Variants in STOM observed in about 807,000 individuals in gnomAD.
STOM encodes erythrocyte band 7 integral membrane protein.
STOM carries 25 observed loss-of-function variants against 30.6 expected under a neutral mutation model. That is an observed-to-expected ratio of 0.82 (90% CI 0.60 to 1.14). The LOEUF (loss-of-function observed/expected upper bound fraction) is 1.14, where lower values mean the gene tolerates loss of function less well. Among genes scored for constraint, STOM ranks in the 50% most tolerant of loss-of-function variants. The probability of loss-of-function intolerance (pLI) is 0.00; values close to 1 mark genes in which losing one functional copy is unlikely to be tolerated. For synonymous variants in STOM, 118 were observed against 130.8 expected (o/e 0.90, Z 0.67); for missense variants, 292 against 365.2 (o/e 0.80, Z 1.63).
chr9:121,346,610 G>A (rs187025697), intron 6 of STOM, among the ~76,000 whole-genome samples: 2 of 152,232 alleles, frequency 1.3e-5, no homozygotes, highest in Admixed American at 6.5e-5. Context: ...TCAAAATAAG[G>A]AGATGATAGG....
At chr9:121,354,019 C>T (rs767328621) in intron 3 of STOM, among the ~76,000 whole-genome samples, 2 of 152,168 alleles carry the variant, frequency 1.3e-5, no homozygotes, top group Non-Finnish European at 2.9e-5. Context: ...CTTGTTGGTT[C>T]CTACCACTAG....
chr9:121,343,472 T>G (rs998121416), intron 6 of STOM, among the ~76,000 whole-genome samples: 1 of 152,148 alleles, frequency 6.6e-6, no homozygotes, highest in South Asian at 2.1e-4. Flanking sequence ...ATCATTTCAT[T>G]CTAGTGTGAT....
chr9:121,356,252 G>A (rs575252879), intron 1 of STOM, 96 bp from the exon 2 acceptor site: 2 of 951,828 alleles, frequency 2.1e-6, no homozygotes, highest in Non-Finnish European at 3.2e-6. Flanking sequence ...TATGTGCTTG[G>A]CACTACACCA....
At position 121,340,108 on chromosome 9, in the gene STOM, A is replaced by G. The variant is rs2064232954; in HGVS notation, c.*1094T>C. 1.0e-6 allele frequency: 1 copy of G among 980,128 alleles called. No individual in the cohort carries two copies. 60.7% of individuals were successfully genotyped at this position (980,128 alleles called of 1,614,324 possible). A position where few individuals can be genotyped will look rare whatever the true frequency, so the allele number is the denominator to read the frequency against. On this transcript the variant is annotated 3_prime_UTR_variant, in exon 7 of 7. Coordinates refer to ENST00000286713, the MANE Select transcript of STOM (RefSeq NM_004099.6). ...GAGAAAATTTTATTAAAAAATTAAA[A>G]CTATTTAAAACCTGATATATGAAAA...
At chr9:121,349,360 G>T (rs184717968) in intron 4 of STOM, 37 bp from the exon 5 acceptor site, 1 of 1,589,568 alleles carries the variant, frequency 6.3e-7, no homozygotes, top group South Asian at 1.1e-5. Context: ...ATCTGTCAAC[G>T]ACTTTTTTTT....
chr9:121,340,846 G>C lies in STOM; in HGVS notation c.*356C>G, dbSNP rs1041279836. 4.5e-6 allele frequency: 5 copies of C among 1,104,908 alleles called. 1 individual carries two copies. Among genetic ancestry groups the C allele is most frequent in the East Asian group, 6.4e-5 (1 of 15,560 alleles). The allele number at this position is 1,104,908 out of a possible 1,614,324, so 68.4% of individuals were successfully genotyped here. On this transcript the variant is annotated 3_prime_UTR_variant, in exon 7 of 7. Coordinates refer to ENST00000286713, the MANE Select transcript of STOM (RefSeq NM_004099.6). The stretch of plus-strand genomic sequence containing the variant: ...GTCATCACTTTCTGCAAAGCATTTA[G>C]CCAGTCAGCGGTGTCAGGTGGCAGT...
At chr9:121,368,633 A>T (rs1265591300) in intron 1 of STOM, among the ~76,000 whole-genome samples, 1 of 152,172 alleles carries the variant, frequency 6.6e-6, no homozygotes, top group Non-Finnish European at 1.5e-5. Context: ...CAATAAAATA[A>T]TATATACATA....
chr9:121,357,424 G>GAGATATATATATAT (rs2064402614), intron 1 of STOM, among the ~76,000 whole-genome samples: 1 of 95,420 alleles, frequency 1.0e-5, no homozygotes. Context: ...ATTTTTAAAT[G>GAGATATATATATAT]ATATATATAT....
intron 2 of STOM, among the ~76,000 whole-genome samples, chr9:121,355,240 AAAAAAAAAAAT>A (rs1467333033): frequency 6.8e-6 from 1 of 147,908 alleles, no homozygotes; most frequent in Non-Finnish European, 1.5e-5. Flanking sequence ...TCAAAAAAAA[AAAAAAAAAAAT>A]AATAATAATA....
intron 1 of STOM, among the ~76,000 whole-genome samples, chr9:121,360,531 A>C (rs1181095664): frequency 1.3e-5 from 2 of 152,246 alleles, no homozygotes; most frequent in Non-Finnish European, 2.9e-5. Flanking sequence ...TGTAGAATAC[A>C]GATAAAATGA....
At position 121,353,314 on chromosome 9, in the gene STOM, A is replaced by T. The variant is rs770676819; in HGVS notation, c.239-12T>A. The T allele has an allele frequency of 1.4e-5, 23 of 1,588,842 alleles. No individual in the cohort carries two copies. Among genetic ancestry groups the T allele is most frequent in the Non-Finnish European group, 2.0e-5 (23 of 1,163,772 alleles). The stretch of plus-strand genomic sequence containing the variant: ...AATAAAAAACAAACCTGCAACAAAG[A>T]TACACACATTATACAGACACCAGCA... On this transcript the variant is annotated splice_polypyrimidine_tract_variant and intron_variant, in intron 3 of 6. Transcript: ENST00000286713.
chr9:121,364,406 A>G lies in STOM; in HGVS notation c.61+5721T>C, dbSNP rs529082084. Among the ~76,000 whole-genome samples the G allele has an allele frequency of 7.0e-4, 106 of 152,302 alleles. 1 individual carries two copies. Among genetic ancestry groups the G allele is most frequent in the Admixed American group, 2.5e-3 (39 of 15,302 alleles). On this transcript the variant is annotated intron_variant, in intron 1 of 6. Transcript: ENST00000286713. ...TGGGGCTAGAGTAGCTACAGGCCAG[A>G]TGGTATCAAGTTAAAAACCATGAGT...
At chr9:121,351,521 C>G (rs557289136) in intron 4 of STOM, among the ~76,000 whole-genome samples, 1 of 152,280 alleles carries the variant, frequency 6.6e-6, no homozygotes, top group South Asian at 2.1e-4. Flanking sequence ...GAAACACTGA[C>G]AGCATTCTTC....
chr9:121,362,809 C>G (rs181410421), intron 1 of STOM, among the ~76,000 whole-genome samples: 2 of 152,254 alleles, frequency 1.3e-5, no homozygotes, highest in Admixed American at 6.5e-5. Flanking sequence ...GAAAACCAAG[C>G]AAACCATGAA....
intron 6 of STOM, among the ~76,000 whole-genome samples, chr9:121,344,967 C>T (rs2064277256): frequency 6.6e-6 from 1 of 152,198 alleles, no homozygotes; most frequent in African/African-American, 2.4e-5. Context: ...AATCTGTCCT[C>T]TTCTGTGACC....
At chr9:121,349,884 T>C (rs1205930749) in intron 4 of STOM, among the ~76,000 whole-genome samples, 1 of 152,228 alleles carries the variant, frequency 6.6e-6, no homozygotes, top group African/African-American at 2.4e-5. Context: ...ATATTTTTGT[T>C]TTAAGCTAAG....
In STOM at chr9:121,341,327, G is replaced by A. The variant is rs754234964; in HGVS notation, c.742C>T (p.Leu248Phe). The change falls in exon 7 of 7, where the codon CTT becomes TTT. Residue 248 changes from leucine to phenylalanine, a missense_variant. Leu to Phe is a conservative substitution (Grantham distance 22). Transcript: ENST00000286713. ...AGTGTCTGCAGGTATCGGAGCTGAA[G>A]GGCTGCAGGAGATTCAGTGATGACC... ...SMVITESPAA[L>F]QLRYLQTLTT... is the part of the protein sequence containing the mutation. The A allele has an allele frequency of 7.4e-6, 12 of 1,614,062 alleles. No individual in the cohort carries two copies. Among genetic ancestry groups the A allele is most frequent in the African/African-American group, 1.3e-5 (1 of 74,930 alleles).
intron 6 of STOM, among the ~76,000 whole-genome samples, chr9:121,346,344 T>C (rs1301040582): frequency 2.6e-5 from 4 of 152,232 alleles, no homozygotes; most frequent in Admixed American, 2.6e-4. Context: ...TTACCCAGAG[T>C]GCTATAGAAG....
intron 1 of STOM, among the ~76,000 whole-genome samples, chr9:121,356,498 A>G (rs3747846): frequency 0.13 from 20,329 of 152,238 alleles, 1,867 homozygotes; most frequent in African/African-American, 0.26. Context: ...TGGGAAAGTC[A>G]GACAAACACA....
Sources: gnomAD v4.1 joint callset for allele counts (sites outside exome capture counted in the v4.1 genomes callset) on GRCh38, gnomAD v4.1.1 for gene constraint, MANE v1.5 for transcripts, NCBI Gene and HGNC (gene_info 2026-07-23, HGNC 2026-07-21) for gene names.